SPEF2: variants seen among roughly 807,000 people sequenced by gnomAD.
The protein encoded by SPEF2 is sperm flagella and cilia-associated protein 2.
A neutral mutation model predicts 224.6 loss-of-function variants in SPEF2; 187 were observed. The ratio of observed to expected loss-of-function variants is 0.83; its 90% CI spans 0.74 to 0.94. The LOEUF is 0.94. SPEF2 is among the 40% of genes least tolerant of loss of function. The pLI, the probability that SPEF2 is intolerant of heterozygous loss-of-function variation, is 0.00. For synonymous variants in SPEF2, 715 were observed against 707.3 expected, an observed-to-expected ratio of 1.01 and a Z score of -0.17; for missense variants, 2,170 against 2,135.6, an observed-to-expected ratio of 1.02 and a Z score of -0.32.
intron 23 of SPEF2, among the ~76,000 whole-genome samples, chr5:35,750,703 C>T (rs1454012000): frequency 4.0e-5 from 6 of 151,604 alleles, no homozygotes; most frequent in Non-Finnish European, 7.4e-5. Flanking sequence ...CAGTAGATGT[C>T]GGTGAGGATG....
intron 19 of SPEF2, chr5:35,709,459 T>A (rs1740667647): frequency 9.7e-7 from 1 of 1,026,220 alleles, no homozygotes; most frequent in South Asian, 4.3e-5. Flanking sequence ...AACTATAGAG[T>A]TACATTTATG....
chr5:35,654,534 T>C lies in SPEF2; in HGVS notation c.792-6T>C. 6.4e-7 allele frequency: 1 copy of C among 1,557,958 alleles called. No individual in the cohort carries two copies. Among genetic ancestry groups the C allele is most frequent in the Non-Finnish European group, 8.6e-7 (1 of 1,159,778 alleles). On this transcript the variant is annotated splice_polypyrimidine_tract_variant and splice_region_variant and intron_variant, in intron 6 of 36. Transcript: ENST00000356031. The stretch of plus-strand genomic sequence containing the variant: ...AAAAATCTAAAATAAAAACTATTAT[T>C]CTTAGTGCATCCAAGACTTCTTTAG...
intron 23 of SPEF2, 32 bp from the exon 24 acceptor site, chr5:35,753,592 G>A (rs1750011358): frequency 1.2e-6 from 2 of 1,613,000 alleles, no homozygotes; most frequent in South Asian, 1.1e-5. Context: ...GCAATCTAAA[G>A]CATAGCCACC....
rs6894309 is a variant in SPEF2, at chr5:35,773,724, A to G, written c.3950-169A>G. Among the ~76,000 whole-genome samples, 3,922 of 152,288 alleles carry G rather than the reference A, an allele frequency of 0.026. 182 individuals carry two copies. The highest frequency in any genetic ancestry group is 0.09 in the African/African-American group (3,755 of 41,534). ...GAACCATACAGAGAATTCTCAAGGA[A>G]AAATTCAATATTTCATCACAGATGC... On this transcript the variant is annotated intron_variant, in intron 27 of 36. Coordinates refer to ENST00000356031, the MANE Select transcript of SPEF2 (RefSeq NM_024867.4).
intron 23 of SPEF2, among the ~76,000 whole-genome samples, chr5:35,750,873 A>G (rs914404368): frequency 1.3e-5 from 2 of 150,646 alleles, no homozygotes; most frequent in Non-Finnish European, 3.0e-5. Context: ...AGAAGTCATT[A>G]TTTAAAAAAG....
intron 30 of SPEF2, chr5:35,791,363 T>TGGG (rs1755926093): frequency 6.6e-6 from 1 of 152,182 alleles, no homozygotes; most frequent in Non-Finnish European, 1.5e-5. Flanking sequence ...GCACTGAGAT[T>TGGG]TTAGAAGGAT....
chr5:35,623,044 G>A lies in SPEF2; in HGVS notation c.58+4989G>A, dbSNP rs192161528. ...CAGGACACATCTGTAGTTGAACAAAGTTAGATTTATAGATTTGTTGTAACA... is the reference window on the plus strand; with the variant it reads ...CAGGACACATCTGTAGTTGAACAAAATTAGATTTATAGATTTGTTGTAACA... On this transcript the variant is annotated intron_variant, in intron 1 of 36. Coordinates refer to ENST00000356031, the MANE Select transcript of SPEF2 (RefSeq NM_024867.4). 1.7e-3 allele frequency among the ~76,000 whole-genome samples: 263 copies of A among 152,326 alleles called. 1 individual carries two copies. The highest frequency in any genetic ancestry group is 6.1e-3 in the African/African-American group (254 of 41,580).
intron 1 of SPEF2, among the ~76,000 whole-genome samples, chr5:35,626,893 C>T (rs1375318907): frequency 6.6e-6 from 1 of 152,062 alleles, no homozygotes; most frequent in Non-Finnish European, 1.5e-5. Context: ...AGCAACTTAG[C>T]TCAACTTCCT....
chr5:35,685,897 T>G (rs538529992), intron 10 of SPEF2, among the ~76,000 whole-genome samples: 26 of 151,392 alleles, frequency 1.7e-4, no homozygotes, highest in Non-Finnish European at 3.2e-4. Context: ...CTTAAGGCAA[T>G]CCAGACTAGC....
At chr5:35,781,490 G>A (rs922626749) in intron 30 of SPEF2, 1 of 152,206 alleles carries the variant, frequency 6.6e-6, no homozygotes, top group South Asian at 2.1e-4. Context: ...CATGATGTTT[G>A]GGAAATGTTT....
chr5:35,651,897 G>A (rs951306647), intron 6 of SPEF2, among the ~76,000 whole-genome samples: 2 of 152,108 alleles, frequency 1.3e-5, no homozygotes, highest in Non-Finnish European at 2.9e-5. Flanking sequence ...CGTGTAACAA[G>A]GTTCCTCCAT....
Position 35,789,713 on chromosome 5 carries a change from A to C in SPEF2, c.4448-2627A>C, listed in dbSNP as rs1426396049. The C allele has an allele frequency of 7.5e-6, 5 of 664,906 alleles. No homozygotes were observed. In the East Asian group the frequency reaches 1.3e-4, roughly 18 times the overall value. 41.2% of individuals were successfully genotyped at this position (664,906 alleles called of 1,614,324 possible). A position where few individuals can be genotyped will look rare whatever the true frequency, so the allele number is the denominator to read the frequency against. Reference sequence around the variant, plus strand: ...CCACAAAGATAAATCAAGGTAATCTATATGTGCTGACTTTGAACCTATTAT... The same window carrying C: ...CCACAAAGATAAATCAAGGTAATCTCTATGTGCTGACTTTGAACCTATTAT... On this transcript the variant is annotated intron_variant, in intron 30 of 36. Coordinates refer to ENST00000356031, the MANE Select transcript of SPEF2 (RefSeq NM_024867.4).
intron 1 of SPEF2, among the ~76,000 whole-genome samples, chr5:35,626,879 A>G (rs73078251): frequency 0.02 from 3,006 of 152,236 alleles, 98 homozygotes; most frequent in African/African-American, 0.069. Flanking sequence ...AGTGGCTGTT[A>G]TGGAGCAACT....
At chr5:35,779,008 C>T in intron 29 of SPEF2, 109 bp from the exon 30 acceptor site, 11 of 711,614 alleles carry the variant, frequency 1.5e-5, no homozygotes, top group Non-Finnish European at 2.4e-5. Context: ...ATGGAGTTGT[C>T]TAAGAGCTAT....
intron 2 of SPEF2, among the ~76,000 whole-genome samples, chr5:35,631,872 A>G (rs941180230): frequency 6.6e-6 from 1 of 152,216 alleles, no homozygotes; most frequent in Admixed American, 6.5e-5. Flanking sequence ...CAGGCATTGT[A>G]TTAGGTATTA....
chr5:35,693,067 A>G (rs1754757402), intron 12 of SPEF2, among the ~76,000 whole-genome samples: 3 of 151,988 alleles, frequency 2.0e-5, no homozygotes, highest in Non-Finnish European at 4.4e-5. Context: ...AAGAGCCACT[A>G]GCTGGTAAGT....
intron 23 of SPEF2, among the ~76,000 whole-genome samples, chr5:35,746,209 A>G (rs1473563010): frequency 6.6e-6 from 1 of 152,236 alleles, no homozygotes; most frequent in Non-Finnish European, 1.5e-5. Flanking sequence ...TGCAGAGCCT[A>G]CCCAAATGAG....
In SPEF2 at chr5:35,779,297, T is replaced by C; in HGVS notation, c.4398T>C (p.Ile1466=). ...AGGAAGAAGATGGTACCCTGACCAT[T>C]GAACAGCTTGACAGTCTTCGAGATC... ...VEKEEDGTLT[I]EQLDSLRDQF... The change falls in exon 30 of 37, where the codon ATT becomes ATC. Residue 1466 remains isoleucine (I), a synonymous_variant. Transcript: ENST00000356031. 1 of 1,613,788 alleles carries C rather than the reference T, an allele frequency of 6.2e-7. No individual in the cohort carries two copies. Among genetic ancestry groups the C allele is most frequent in the Non-Finnish European group, 8.5e-7 (1 of 1,179,842 alleles).
chr5:35,786,636 G>A (rs1055816977), intron 30 of SPEF2, among the ~76,000 whole-genome samples: 2 of 152,224 alleles, frequency 1.3e-5, no homozygotes, highest in African/African-American at 2.4e-5. Context: ...CTCCAGCCCT[G>A]GGCGACAGCG....
Sources: allele counts gnomAD v4.1 joint callset (sites outside exome capture counted in the v4.1 genomes callset), GRCh38; gene constraint gnomAD v4.1.1; transcripts MANE v1.5; gene names NCBI Gene and HGNC (gene_info 2026-07-23, HGNC 2026-07-21).